The following SNX29 variants were observed in gnomAD, a reference collection of about 807,000 sequenced individuals.
The protein encoded by SNX29 is sorting nexin 29, also known as sorting nexin-29.
SNX29 carries 78 observed loss-of-function variants against 102.1 expected under a neutral mutation model. The ratio of observed to expected loss-of-function variants is 0.76; its 90% CI spans 0.64 to 0.92. The LOEUF is 0.92. SNX29 is among the 40% of genes least tolerant of loss of function. SNX29 has a pLI of 0.00. For missense variants in SNX29, 1,280 were observed against 1,061.7 expected (o/e 1.21, Z -2.86); for synonymous variants, 580 against 414.5 (o/e 1.40, Z -4.85).
intron 19 of SNX29, among the ~76,000 whole-genome samples, chr16:12,515,964 T>G (rs1454529595): frequency 6.6e-6 from 1 of 152,060 alleles, no homozygotes; most frequent in African/African-American, 2.4e-5. Flanking sequence ...ACGTGTGGGC[T>G]ACATGCTCCC....
At chr16:12,266,390 T>G (rs1043131451) in intron 14 of SNX29, among the ~76,000 whole-genome samples, 2 of 152,148 alleles carry the variant, frequency 1.3e-5, no homozygotes, top group Non-Finnish European at 2.9e-5. Flanking sequence ...GCCCCAGGAC[T>G]GCCCCTATTG....
At chr16:12,385,162 C>G (rs1165426591) in intron 16 of SNX29, among the ~76,000 whole-genome samples, 3 of 152,198 alleles carry the variant, frequency 2.0e-5, no homozygotes, top group Non-Finnish European at 4.4e-5. Context: ...AAGAGCGAAA[C>G]TCCATCTCAA....
rs116946262 is a variant in SNX29, at chr16:12,207,096, C to T, written c.1678+7413C>T. 4.4e-4 allele frequency among the ~76,000 whole-genome samples: 67 copies of T among 152,126 alleles called. 1 individual carries two copies. The East Asian group carries it at 9.3e-3, about 21-fold the overall frequency. On this transcript the variant is annotated intron_variant, in intron 14 of 20. Transcript: ENST00000566228. ...AAGACCTGGGAGGCTAGGCCAAGCG[C>T]GGTTGCTCACGCCTGTAATCCCAGC...
intron 13 of SNX29, among the ~76,000 whole-genome samples, chr16:12,161,971 A>G (rs1375036414): frequency 1.3e-5 from 2 of 152,172 alleles, no homozygotes; most frequent in African/African-American, 4.8e-5. Context: ...GGACTAATAC[A>G]GTCTTTCCAC....
At chr16:12,441,615 T>C (rs2085811102) in intron 18 of SNX29, among the ~76,000 whole-genome samples, 1 of 152,178 alleles carries the variant, frequency 6.6e-6, no homozygotes, top group Non-Finnish European at 1.5e-5. Flanking sequence ...AGCACAAAAG[T>C]TTTTAATGTC....
intron 15 of SNX29, among the ~76,000 whole-genome samples, chr16:12,288,367 C>T (rs748866231): frequency 2.1e-4 from 31 of 146,888 alleles, no homozygotes; most frequent in Non-Finnish European, 3.2e-4. Context: ...TCTGCATAAA[C>T]GACCCCTTAA....
chr16:12,133,339 G>A (rs1001608262), intron 13 of SNX29, among the ~76,000 whole-genome samples: 1 of 141,740 alleles, frequency 7.1e-6, no homozygotes, highest in Admixed American at 7.3e-5. Flanking sequence ...CACCCAGGCT[G>A]GAGTGCAGTG....
chr16:12,057,216 G>A (rs543297966), intron 8 of SNX29, among the ~76,000 whole-genome samples: 2 of 152,170 alleles, frequency 1.3e-5, no homozygotes, highest in Non-Finnish European at 2.9e-5. Flanking sequence ...GCTGTGTCTC[G>A]CTATTCTGCA....
At chr16:12,029,030 G>A (rs1211279630) in intron 4 of SNX29, among the ~76,000 whole-genome samples, 9 of 152,096 alleles carry the variant, frequency 5.9e-5, no homozygotes, top group Admixed American at 6.5e-5. Flanking sequence ...ATACGTGTAA[G>A]CCACTGCGCC....
intron 13 of SNX29, among the ~76,000 whole-genome samples, chr16:12,173,490 G>T (rs2141770837): frequency 6.6e-6 from 1 of 152,280 alleles, no homozygotes; most frequent in South Asian, 2.1e-4. Context: ...TCTAGTTTTT[G>T]ACCCCCTGAC....
intron 4 of SNX29, among the ~76,000 whole-genome samples, chr16:12,035,404 A>G (rs1375777389): frequency 6.6e-6 from 1 of 151,892 alleles, no homozygotes; most frequent in Non-Finnish European, 1.5e-5. Flanking sequence ...TTAATAAAGG[A>G]GGTGGTATGC....
At chr16:12,226,770 G>C (rs768213176) in intron 14 of SNX29, among the ~76,000 whole-genome samples, 19 of 152,018 alleles carry the variant, frequency 1.2e-4, no homozygotes, top group Non-Finnish European at 2.4e-4. Context: ...GTAGAGACGG[G>C]TTTCACTGTA....
intron 18 of SNX29, among the ~76,000 whole-genome samples, chr16:12,408,602 C>T (rs2084269422): frequency 6.6e-6 from 1 of 152,170 alleles, no homozygotes; most frequent in African/African-American, 2.4e-5. Context: ...GGGTGGATCA[C>T]CTGAGGTCAG....
At chr16:12,048,641 G>A (rs779107320) in intron 7 of SNX29, 21 bp downstream of exon 7, 11 of 1,613,820 alleles carry the variant, frequency 6.8e-6, no homozygotes, top group Middle Eastern at 1.6e-4. Context: ...ACGGGTGCTC[G>A]AGGCGGAGCA....
intron 20 of SNX29, among the ~76,000 whole-genome samples, chr16:12,554,383 C>T (rs1567187328): frequency 2.2e-5 from 2 of 92,988 alleles, no homozygotes; most frequent in Non-Finnish European, 1.8e-5. Context: ...TGTTTCTGTG[C>T]CCCGTGCATG....
chr16:12,237,364 C>T (rs1011301878), intron 14 of SNX29, among the ~76,000 whole-genome samples: 3 of 152,204 alleles, frequency 2.0e-5, no homozygotes, highest in Non-Finnish European at 2.9e-5. Context: ...CTGCTTTATG[C>T]GCTTATCTCT....
At chr16:12,439,307 C>T (rs555555849) in intron 18 of SNX29, among the ~76,000 whole-genome samples, 77 of 152,188 alleles carry the variant, frequency 5.1e-4, no homozygotes, top group Non-Finnish European at 9.4e-4. Flanking sequence ...TGGAAGTCAC[C>T]AGAGAGGCCA....
At chr16:12,331,005 T>G (rs1457471700) in intron 15 of SNX29, among the ~76,000 whole-genome samples, 2 of 152,252 alleles carry the variant, frequency 1.3e-5, no homozygotes, top group African/African-American at 4.8e-5. Flanking sequence ...AGCAATTCAG[T>G]TTCTCATCTT....
chr16:12,069,333 T>C (rs1189309203), intron 10 of SNX29, among the ~76,000 whole-genome samples: 2 of 152,136 alleles, frequency 1.3e-5, no homozygotes, highest in African/African-American at 4.8e-5. Context: ...TGGCGCAGTC[T>C]CGGCTCACTG....
Sources: gnomAD v4.1 joint callset for allele counts (sites outside exome capture counted in the v4.1 genomes callset) on GRCh38, gnomAD v4.1.1 for gene constraint, MANE v1.5 for transcripts, NCBI Gene and HGNC (gene_info 2026-07-23, HGNC 2026-07-21) for gene names.